Variants in GLRA2 observed in about 807,000 individuals in gnomAD.
GLRA2 encodes glycine receptor subunit alpha-2.
A neutral mutation model predicts 31.6 loss-of-function variants in GLRA2; 11 were observed. The observed-to-expected ratio is 0.35, with a 90% confidence interval of 0.22 to 0.58. The LOEUF (loss-of-function observed/expected upper bound fraction) is 0.58, where lower values mean the gene tolerates loss of function less well. GLRA2 is among the 20% of genes least tolerant of loss of function. The pLI is 0.84. For synonymous variants in GLRA2, 132 were observed against 134.0 expected (o/e 0.99, Z 0.10); for missense variants, 212 against 351.8 (o/e 0.60, Z 3.18).
chrX:14,448,785 G>A, the GLRA2 span, among the ~76,000 whole-genome samples: 14 of 109,879 alleles, frequency 1.3e-4, no homozygotes, highest in East Asian at 1.7e-3. Flanking sequence ...AGAATTGTCC[G>A]TCTTTGCAGA....
At chrX:14,555,433 T>A (rs759441700) in intron 2 of GLRA2, among the ~76,000 whole-genome samples, 1 of 111,531 alleles carries the variant, frequency 9.0e-6, no homozygotes, top group South Asian at 3.8e-4. Context: ...TTAAACCCAG[T>A]CTTTTTAGCC....
At chrX:14,581,549 G>A (rs1277407342) in intron 4 of GLRA2, 143 bp downstream of exon 4, 2 of 451,009 alleles carry the variant, frequency 4.4e-6, no homozygotes, top group Non-Finnish European at 7.8e-6. Flanking sequence ...TTGGTGGAGA[G>A]TGTCAGAAGT....
chrX:14,622,196 G>T (rs1357804151), intron 7 of GLRA2, among the ~76,000 whole-genome samples: 3 of 111,527 alleles, frequency 2.7e-5, no homozygotes, highest in Non-Finnish European at 3.8e-5. Context: ...TCGCCCACTT[G>T]TTGATGGGGT....
At chrX:14,493,615 A>ATATATACATATATACACATATACACT in the GLRA2 span, among the ~76,000 whole-genome samples, 1,947 of 99,341 alleles carry the variant, frequency 0.02, 117 homozygotes, top group African/African-American at 0.073. Flanking sequence ...ACATATACAC[A>ATATATACATATATACACATATACACT]TATATACACA....
chrX:14,557,155 G>T (rs1240086020), intron 2 of GLRA2, among the ~76,000 whole-genome samples: 134 of 74,382 alleles, frequency 1.8e-3, no homozygotes, highest in Non-Finnish European at 2.6e-3. Flanking sequence ...TCGCTCTGTC[G>T]CCCAGGCTGG....
intron 7 of GLRA2, among the ~76,000 whole-genome samples, chrX:14,675,225 C>G (rs145852036): frequency 1.8e-5 from 2 of 111,394 alleles, no homozygotes; most frequent in African/African-American, 6.5e-5. Context: ...CAGAGTGTCC[C>G]TATGGTGCCT....
At chrX:14,480,042 A>AT in the GLRA2 span, among the ~76,000 whole-genome samples, 2 of 110,739 alleles carry the variant, frequency 1.8e-5, no homozygotes, top group South Asian at 7.7e-4. Flanking sequence ...CTGTTTTTTG[A>AT]TTTTTTAATA....
At chrX:14,607,360 A>G in intron 6 of GLRA2, 92 bp downstream of exon 6, 1 of 759,897 alleles carries the variant, frequency 1.3e-6, no homozygotes, top group East Asian at 3.2e-5. Flanking sequence ...TAATTGCTGC[A>G]TATTTACCAG....
chrX:14,537,204 C>T (rs1431795465), intron 2 of GLRA2, among the ~76,000 whole-genome samples: 1 of 111,241 alleles, frequency 9.0e-6, no homozygotes, highest in Non-Finnish European at 1.9e-5. Flanking sequence ...ATTAGTATGT[C>T]TATATATATG....
At chrX:14,469,009 G>T in the GLRA2 span, among the ~76,000 whole-genome samples, 1 of 111,063 alleles carries the variant, frequency 9.0e-6, no homozygotes, top group Non-Finnish European at 1.9e-5. Context: ...TTTTGATGGG[G>T]TTGTTTGTTT....
chrX:14,686,643 CTT>C (rs1014278320), intron 7 of GLRA2, among the ~76,000 whole-genome samples: 1 of 110,736 alleles, frequency 9.0e-6, no homozygotes, highest in Non-Finnish European at 1.9e-5. Context: ...CAAGTCCTGC[CTT>C]TTTTTTGTTT....
chrX:14,717,030 CA>C (rs1185893649), intron 8 of GLRA2, among the ~76,000 whole-genome samples: 2 of 110,768 alleles, frequency 1.8e-5, no homozygotes, highest in African/African-American at 6.6e-5. Flanking sequence ...ATGCCCCCTT[CA>C]AAAAAAGCAA....
At chrX:14,700,106 G>A (rs928671653) in intron 8 of GLRA2, among the ~76,000 whole-genome samples, 1 of 111,550 alleles carries the variant, frequency 9.0e-6, no homozygotes, top group Non-Finnish European at 1.9e-5. Context: ...ATGACCCTCA[G>A]TGTGGGATAG....
At chrX:14,509,900 C>T in the GLRA2 span, among the ~76,000 whole-genome samples, 1 of 111,257 alleles carries the variant, frequency 9.0e-6, no homozygotes, top group South Asian at 3.8e-4. Flanking sequence ...AGAGGTGATT[C>T]CATTTAGAAG....
At chrX:14,587,805 T>C (rs2090096691) in intron 4 of GLRA2, among the ~76,000 whole-genome samples, 1 of 112,176 alleles carries the variant, frequency 8.9e-6, no homozygotes, top group African/African-American at 3.2e-5. Context: ...AAGTCCCATT[T>C]GGCAACTTTT....
chrX:14,654,442 A>C (rs1283010718), intron 7 of GLRA2, among the ~76,000 whole-genome samples: 1 of 112,157 alleles, frequency 8.9e-6, no homozygotes, highest in Non-Finnish European at 1.9e-5. Context: ...GCTATTGCAC[A>C]CTTATTAGAC....
At chrX:14,621,565 C>T (rs1323863150) in intron 7 of GLRA2, among the ~76,000 whole-genome samples, 1 of 110,264 alleles carries the variant, frequency 9.1e-6, no homozygotes, top group Non-Finnish European at 1.9e-5. Flanking sequence ...ATCCTGTGTC[C>T]AAGTGTTCTC....
At chrX:14,681,913 A>T (rs865909549) in intron 7 of GLRA2, among the ~76,000 whole-genome samples, 1 of 59,815 alleles carries the variant, frequency 1.7e-5, no homozygotes, top group South Asian at 7.1e-4. Context: ...AAAAAAAAAT[A>T]TATATATATA....
chrX:14,609,998 T>C (rs1196310915), intron 7 of GLRA2, among the ~76,000 whole-genome samples: 2 of 112,182 alleles, frequency 1.8e-5, no homozygotes, highest in Non-Finnish European at 3.8e-5. Flanking sequence ...ATGATGAATG[T>C]CCCACTTTTG....
Sources: allele counts gnomAD v4.1 joint callset (sites outside exome capture counted in the v4.1 genomes callset), GRCh38; gene constraint gnomAD v4.1.1; transcripts MANE v1.5; gene names NCBI Gene and HGNC (gene_info 2026-07-23, HGNC 2026-07-21).